Variants in NFE2L3 observed in about 807,000 individuals in gnomAD.
NFE2L3 encodes nuclear factor erythroid 2-related factor 3.
NFE2L3 carries 18 observed loss-of-function variants against 23.5 expected under a neutral mutation model. The observed-to-expected ratio is 0.77, with a 90% CI of 0.53 to 1.13. The LOEUF (loss-of-function observed/expected upper bound fraction) is 1.13, where lower values mean the gene tolerates loss of function less well. NFE2L3 is among the 50% of genes most tolerant of loss of function. The probability of loss-of-function intolerance (pLI) is 0.00; values close to 1 mark genes in which losing one functional copy is unlikely to be tolerated. For missense variants in NFE2L3, 1,152 were observed against 877.2 expected, an observed-to-expected ratio of 1.31 and a Z score of -3.96; for synonymous variants, 424 against 354.5, an observed-to-expected ratio of 1.20 and a Z score of -2.20.
chr7:26,185,040 G>A lies in NFE2L3; in HGVS notation c.1342G>A (p.Gly448Ser), dbSNP rs757538883. ...CTCTGTGTGTGATGAAGGTGCTATA[G>A]GTTATTGCACTGACCATGAATCTAG... Reference protein sequence around the residue: ...SHSVCDEGAIGYCTDHESSSH... With the variant: ...SHSVCDEGAISYCTDHESSSH... The change falls in exon 4 of 4, where the codon GGT becomes AGT. Residue 448 changes from glycine (G) to serine (S), a missense_variant. Gly to Ser is a moderately conservative substitution (Grantham distance 56). Transcript: ENST00000056233. The A allele has an allele frequency of 8.7e-6, 14 of 1,613,862 alleles. No homozygotes were observed. In the Admixed American group the frequency reaches 1.8e-4, roughly 21 times the overall value.
At chr7:26,166,198 C>T (rs1784249381) in intron 1 of NFE2L3, among the ~76,000 whole-genome samples, 1 of 152,136 alleles carries the variant, frequency 6.6e-6, no homozygotes, top group Admixed American at 6.5e-5. Context: ...TGACTTCTTA[C>T]AGCCATGTGG....
At position 26,185,688 on chromosome 7, in the gene NFE2L3, C is replaced by T. The variant is rs1279489663; in HGVS notation, c.1990C>T (p.Leu664Phe). 16 of 1,613,694 alleles carry T rather than the reference C, an allele frequency of 9.9e-6. No homozygotes were observed. Among genetic ancestry groups the T allele is most frequent in the Non-Finnish European group, 1.2e-5 (14 of 1,179,750 alleles). Residue 664 changes from leucine (L) to phenylalanine (F), a missense_variant, in exon 4 of 4, where the codon CTC becomes TTC. By Grantham distance (22) the Leu-to-Phe change is conservative. Coordinates refer to ENST00000056233, the MANE Select transcript of NFE2L3 (RefSeq NM_004289.7). ...GRPVNPNHYA[L>F]QCTHDGSILI... ...GCCAGTCAATCCCAACCACTATGCT[C>T]TCCAGTGTACCCATGATGGAAGTAT...
chr7:26,184,700 G>A lies in NFE2L3; in HGVS notation c.1002G>A (p.Arg334=), dbSNP rs1310716760. 6.2e-7 allele frequency: 1 copy of A among 1,613,840 alleles called. No homozygotes were observed. Among genetic ancestry groups the A allele is most frequent in the East Asian group, 2.2e-5 (1 of 44,866 alleles). The change falls in exon 4 of 4, where the codon AGG becomes AGA. Residue 334 remains arginine, a synonymous_variant. Coordinates refer to ENST00000056233, the MANE Select transcript of NFE2L3 (RefSeq NM_004289.7). ...NNTFRRDPTA[R]TSQSQEPFLQ... is the part of the protein sequence containing the mutation. ...CATTTAGAAGAGATCCAACAGCAAG[G>A]ACTTCACAGTCACAAGAACCATTTC...
At position 26,153,068 on chromosome 7, in the gene NFE2L3, G is replaced by A; in HGVS notation, c.570G>A (p.Glu190=). ...QVPDAGGCAS[E]ENGVLREKHE... is the part of the protein sequence containing the mutation. ...CGGACGCTGGCGGATGTGCGAGCGA[G>A]GTAGGTGCAGAGCGGGAAGCGAGCG... The change falls in exon 1 of 4, where the codon GAG becomes GAA. Residue 190 remains glutamate (E), a splice_region_variant and synonymous_variant. Coordinates refer to ENST00000056233, the MANE Select transcript of NFE2L3 (RefSeq NM_004289.7). The A allele has an allele frequency of 6.6e-7, 1 of 1,526,326 alleles. No homozygotes were observed. Among genetic ancestry groups the A allele is most frequent in the Non-Finnish European group, 8.8e-7 (1 of 1,140,584 alleles). The allele number at this position is 1,526,326 out of a possible 1,614,324, so 94.5% of individuals were successfully genotyped here.
rs1562676125 is a variant in NFE2L3, at chr7:26,177,934, C to CT, written c.571-5dup. ...TTTGCTTATTTGATGAAATTTCGTACTTTTATAGGAGAATGGGGTACTAAG... is the reference window on the plus strand; with the variant it reads ...TTTGCTTATTTGATGAAATTTCGTACTTTTTATAGGAGAATGGGGTACTAAG... On this transcript the variant is annotated splice_polypyrimidine_tract_variant and intron_variant, in intron 1 of 3. Coordinates refer to ENST00000056233, the MANE Select transcript of NFE2L3 (RefSeq NM_004289.7). 6.2e-7 allele frequency: 1 copy of CT among 1,605,034 alleles called. No individual in the cohort carries two copies. The highest frequency in any genetic ancestry group is 2.2e-5 in the East Asian group (1 of 44,768).
chr7:26,178,180 C>G, intron 2 of NFE2L3, 58 bp downstream of exon 2: 1 of 1,483,396 alleles, frequency 6.7e-7, no homozygotes, highest in Non-Finnish European at 9.2e-7. Context: ...GATTTTGTGG[C>G]ATTGACAGTT....
rs1392694985 is a variant in NFE2L3 at position 26,186,132 on chromosome 7, T to C, written c.*349T>C. The C allele has an allele frequency of 7.2e-5, 13 of 181,772 alleles. No individual in the cohort carries two copies. In the East Asian group the frequency reaches 1.9e-3, roughly 26 times the overall value. The allele number at this position is 181,772 out of a possible 1,614,324, so 11.3% of individuals were successfully genotyped here. On this transcript the variant is annotated 3_prime_UTR_variant, in exon 4 of 4. Transcript: ENST00000056233. ...CTTCAAAAAGAGCAAACACTGGGGA[T>C]CAAATTATTTTAAGAGGTATTTCAG...
chr7:26,171,436 C>T lies in NFE2L3; in HGVS notation c.571-6507C>T, dbSNP rs186101067. On this transcript the variant is annotated intron_variant, in intron 1 of 3. Coordinates refer to ENST00000056233, the MANE Select transcript of NFE2L3 (RefSeq NM_004289.7). ...GCAGGCACCTGTAATCCCAGCTACT[C>T]GGGAGGCTGAGGCAGGAGAATCGCT... Among the ~76,000 whole-genome samples, 11 of 151,784 alleles carry T rather than the reference C, an allele frequency of 7.2e-5. No homozygotes were observed. In the East Asian group the frequency reaches 1.6e-3, roughly 21 times the overall value.
chr7:26,181,503 CTAGATATAAGA>C (rs1305978981), intron 2 of NFE2L3, among the ~76,000 whole-genome samples: 26 of 152,088 alleles, frequency 1.7e-4, no homozygotes, highest in Admixed American at 1.7e-3. Flanking sequence ...GGCCCCAAAG[CTAGATATAAGA>C]TCTGAATGCA....
intron 1 of NFE2L3, among the ~76,000 whole-genome samples, chr7:26,157,141 G>A (rs1011601309): frequency 1.3e-5 from 2 of 151,944 alleles, no homozygotes; most frequent in African/African-American, 4.8e-5. Flanking sequence ...GAAACTGTTG[G>A]GCTGGTTTCT....
At chr7:26,156,459 C>G (rs1337912448) in intron 1 of NFE2L3, among the ~76,000 whole-genome samples, 1 of 152,082 alleles carries the variant, frequency 6.6e-6, no homozygotes, top group African/African-American at 2.4e-5. Context: ...TTCCAAGTAT[C>G]AAAAGGAGTA....
chr7:26,185,328 G>A lies in NFE2L3; in HGVS notation c.1630G>A (p.Ala544Thr), dbSNP rs199830713. 1.9e-6 allele frequency: 3 copies of A among 1,613,972 alleles called. No homozygotes were observed. The African/African-American group carries it at 4.0e-5, about 22-fold the overall frequency. ...GAGCCGTGATGAACAGCGTGCTAAA[G>A]CTTTGCATATCCCTTTTTCTGTAGA... ...NLSRDEQRAK[A>T]LHIPFSVDEI... The change falls in exon 4 of 4, where the codon GCT (alanine) becomes ACT (threonine). Residue 544 changes from alanine (A) to threonine (T), a missense_variant. By Grantham distance (58) the Ala-to-Thr change is moderately conservative (BLOSUM62 0). Coordinates refer to ENST00000056233, the MANE Select transcript of NFE2L3 (RefSeq NM_004289.7).
In NFE2L3 at chr7:26,184,712, A is replaced by C; in HGVS notation, c.1014A>C (p.Ser338=). The part of the protein sequence containing the change: ...RRDPTARTSQ[S]QEPFLQLNSH... The stretch of plus-strand genomic sequence containing the variant: ...ATCCAACAGCAAGGACTTCACAGTC[A>C]CAAGAACCATTTCTGCAGTTAAATT... The change falls in exon 4 of 4, where the codon TCA becomes TCC. Residue 338 remains serine (S), a synonymous_variant. Transcript: ENST00000056233. The C allele has an allele frequency of 1.2e-6, 2 of 1,613,938 alleles. No homozygotes were observed. Among genetic ancestry groups the C allele is most frequent in the East Asian group, 2.2e-5 (1 of 44,874 alleles).
intron 3 of NFE2L3, chr7:26,184,127 TTTAGCGC>T (rs1782412327): frequency 2.8e-6 from 1 of 352,200 alleles, no homozygotes; most frequent in South Asian, 4.0e-5. Context: ...GCCTTGTAGT[TTTAGCGC>T]TTAGAGGCAT....
chr7:26,182,643 C>T (rs1159626084), intron 2 of NFE2L3, among the ~76,000 whole-genome samples: 2 of 150,876 alleles, frequency 1.3e-5, no homozygotes, highest in Admixed American at 1.3e-4. Context: ...TTCCATGTAA[C>T]AAAAACTGGG....
Position 26,152,751 on chromosome 7 carries a change from G to A in NFE2L3, c.253G>A (p.Ala85Thr), listed in dbSNP as rs1427376457. 2 of 1,472,886 alleles carry A rather than the reference G, an allele frequency of 1.4e-6. No homozygotes were observed. Among genetic ancestry groups the A allele is most frequent in the South Asian group, 1.3e-5 (1 of 76,478 alleles). The allele number at this position is 1,472,886 out of a possible 1,614,324, so 91.2% of individuals were successfully genotyped here. Residue 85 changes from alanine to threonine, a missense_variant, in exon 1 of 4, where the codon GCG becomes ACG. Coordinates refer to ENST00000056233, the MANE Select transcript of NFE2L3 (RefSeq NM_004289.7). This position sits in a 1 kb window ranked among gnomAD's most constrained non-coding sequence, Gnocchi z 4.4. ...HPKGRELDPAAPPEGQLLREV... is the reference protein window; with the variant it reads ...HPKGRELDPATPPEGQLLREV... Reference sequence around the variant, plus strand: ...CAAGGGCCGGGAGCTGGACCCTGCCGCGCCGCCCGAGGGCCAGCTGCTCCG... The same window carrying A: ...CAAGGGCCGGGAGCTGGACCCTGCCACGCCGCCCGAGGGCCAGCTGCTCCG...
intron 1 of NFE2L3, among the ~76,000 whole-genome samples, chr7:26,166,128 G>A (rs553622392): frequency 9.4e-6 from 1 of 105,976 alleles, no homozygotes. Context: ...TGAAGCGAGC[G>A]GGTGGGGCGG....
At chr7:26,183,231 A>C (rs1322164007) in intron 2 of NFE2L3, among the ~76,000 whole-genome samples, 2 of 151,916 alleles carry the variant, frequency 1.3e-5, no homozygotes, top group Non-Finnish European at 2.9e-5. Context: ...TTAAGTATGC[A>C]TGTTGAAATA....
rs757303428 is a variant in NFE2L3, at chr7:26,185,113, C to G, written c.1415C>G (p.Pro472Arg). 6.2e-7 allele frequency: 1 copy of G among 1,613,860 alleles called. No homozygotes were observed. The highest frequency in any genetic ancestry group is 1.1e-5 in the South Asian group (1 of 91,062). The change falls in exon 4 of 4, where the codon CCC (proline) becomes CGC (arginine). Residue 472 changes from proline to arginine, a missense_variant. Coordinates refer to ENST00000056233, the MANE Select transcript of NFE2L3 (RefSeq NM_004289.7). ...GCTGTAGGTGGCTACTACCCAGAAC[C>G]CAGTAAGCTTTGTCACTTGGATCAA... Reference protein sequence around the residue: ...EGAVGGYYPEPSKLCHLDQSD... With the variant: ...EGAVGGYYPERSKLCHLDQSD...
Sources: allele counts gnomAD v4.1 joint callset (sites outside exome capture counted in the v4.1 genomes callset), GRCh38; gene constraint gnomAD v4.1.1; non-coding constraint Gnocchi (gnomAD v3.1); transcripts MANE v1.5; gene names NCBI Gene and HGNC (gene_info 2026-07-23, HGNC 2026-07-21).